The following FSTL5 variants were observed in gnomAD, a reference collection of about 807,000 sequenced individuals.
FSTL5 encodes the protein follistatin like 5, also known as follistatin-related protein 5.
In FSTL5, 62 loss-of-function variants were observed where a neutral mutation model predicts 89.1. The observed-to-expected ratio is 0.70, with a 90% CI of 0.57 to 0.86. The LOEUF (loss-of-function observed/expected upper bound fraction) is 0.86. Ranked by LOEUF, FSTL5 falls within the 40% of genes least tolerant of loss-of-function variation. The pLI, the probability that FSTL5 is intolerant of heterozygous loss-of-function variation, is 0.00. For missense variants in FSTL5, 1,057 were observed against 1,001.6 expected (o/e 1.06, Z -0.75); for synonymous variants, 383 against 346.2 (o/e 1.11, Z -1.18).
chr4:161,905,409 G>A (rs2110809202), intron 4 of FSTL5, among the ~76,000 whole-genome samples: 1 of 152,180 alleles, frequency 6.6e-6, no homozygotes, highest in Admixed American at 6.6e-5. Flanking sequence ...TTTCAAGGAA[G>A]AGTTCCTTGA....
intron 7 of FSTL5, among the ~76,000 whole-genome samples, chr4:161,654,351 A>G (rs1194852039): frequency 3.3e-5 from 5 of 152,180 alleles, no homozygotes; most frequent in African/African-American, 9.6e-5. Context: ...GGAAAGCTTA[A>G]GAGTATGGAT....
intron 15 of FSTL5, among the ~76,000 whole-genome samples, chr4:161,391,027 T>G (rs1017721555): frequency 2.0e-5 from 3 of 152,160 alleles, no homozygotes; most frequent in Non-Finnish European, 4.4e-5. Context: ...TTGTTGCAAA[T>G]GAAAAGTAGT....
At chr4:161,480,829 A>T (rs1729478044) in intron 13 of FSTL5, among the ~76,000 whole-genome samples, 191 bp downstream of exon 13, 1 of 150,486 alleles carries the variant, frequency 6.6e-6, no homozygotes, top group Admixed American at 6.7e-5. Flanking sequence ...AAAAAAATTA[A>T]ATTATCTCCT....
At chr4:161,603,281 C>A (rs2126627430) in intron 7 of FSTL5, among the ~76,000 whole-genome samples, 1 of 152,232 alleles carries the variant, frequency 6.6e-6, no homozygotes, top group Admixed American at 6.5e-5. Context: ...TTTCCCAGTG[C>A]ATATAAAAAG....
chr4:161,649,779 A>G (rs1736273938), intron 7 of FSTL5, among the ~76,000 whole-genome samples: 1 of 152,178 alleles, frequency 6.6e-6, no homozygotes, highest in African/African-American at 2.4e-5. Flanking sequence ...CATGCCAGAG[A>G]TCTATAAATG....
At position 161,400,319 on chromosome 4, in the gene FSTL5, T is replaced by C. The variant is rs562144622; in HGVS notation, c.1842-13870A>G. Among the ~76,000 whole-genome samples, 233 of 152,174 alleles carry C rather than the reference T, an allele frequency of 1.5e-3. 1 individual carries two copies. The highest frequency in any genetic ancestry group is 5.3e-3 in the African/African-American group (221 of 41,562). On this transcript the variant is annotated intron_variant, in intron 15 of 15. Transcript: ENST00000306100. Reference sequence around the variant, plus strand: ...ATAGGTACATAAATAGTTGAGTAGATAGAAATATAAAAATATATATGAGCT... The same window carrying C: ...ATAGGTACATAAATAGTTGAGTAGACAGAAATATAAAAATATATATGAGCT...
intron 15 of FSTL5, among the ~76,000 whole-genome samples, chr4:161,443,792 G>A (rs1358179534): frequency 6.6e-6 from 1 of 151,790 alleles, no homozygotes; most frequent in Non-Finnish European, 1.5e-5. Flanking sequence ...ATTGGAAAGG[G>A]CACTGTAGAC....
In FSTL5 at chr4:161,931,619, T is replaced by C. The variant is rs184398355; in HGVS notation, c.161-10967A>G. Among the ~76,000 whole-genome samples the C allele has an allele frequency of 5.4e-3, 819 of 152,054 alleles. 12 individuals carry two copies. The highest frequency in any genetic ancestry group is 0.019 in the African/African-American group (784 of 41,522). ...TATTTAATTTAACAATATACCAATA[T>C]GAAAATTTTATTTTCACATTTTCAA... is the stretch of plus-strand genomic sequence containing the variant. On this transcript the variant is annotated intron_variant, in intron 3 of 15. Transcript: ENST00000306100.
chr4:161,694,182 G>A (rs1485484478), intron 6 of FSTL5, among the ~76,000 whole-genome samples: 2 of 152,066 alleles, frequency 1.3e-5, no homozygotes, highest in East Asian at 3.9e-4. Flanking sequence ...AAGGTGTAAA[G>A]TTAAGTAATT....
chr4:161,955,412 GT>G (rs1253950916), intron 3 of FSTL5, among the ~76,000 whole-genome samples: 1 of 151,308 alleles, frequency 6.6e-6, no homozygotes, highest in African/African-American at 2.4e-5. Context: ...AAAAAAAAAT[GT>G]TTTAAGTAAA....
intron 1 of FSTL5, among the ~76,000 whole-genome samples, chr4:162,114,670 T>G (rs935489692): frequency 8.5e-5 from 13 of 152,196 alleles, no homozygotes; most frequent in African/African-American, 2.9e-4. Context: ...TTCTGTTAGA[T>G]CCCATGCATT....
At chr4:161,463,617 C>T (rs1009863174) in intron 13 of FSTL5, among the ~76,000 whole-genome samples, 3 of 152,108 alleles carry the variant, frequency 2.0e-5, no homozygotes, top group African/African-American at 4.8e-5. Context: ...AATACCTGCT[C>T]GTATGCTCTT....
rs373814670 is a variant in FSTL5 at position 161,670,878 on chromosome 4, T to C, written c.728-14384A>G. On this transcript the variant is annotated intron_variant, in intron 6 of 15. Coordinates refer to ENST00000306100, the MANE Select transcript of FSTL5 (RefSeq NM_020116.5). ...AACTCAGCTAATCAAAATCACAGGATACCTTTGTTTATTCTGGAATATCAA... is the reference window on the plus strand; with the variant it reads ...AACTCAGCTAATCAAAATCACAGGACACCTTTGTTTATTCTGGAATATCAA... Among the ~76,000 whole-genome samples, 44 of 152,340 alleles carry C rather than the reference T, an allele frequency of 2.9e-4. No homozygotes were observed. The East Asian group carries it at 7.1e-3, about 25-fold the overall frequency.
chr4:161,646,536 GA>G (rs1484183434), intron 7 of FSTL5, among the ~76,000 whole-genome samples: 1 of 151,920 alleles, frequency 6.6e-6, no homozygotes, highest in African/African-American at 2.4e-5. Flanking sequence ...GACATATTAT[GA>G]AAATTGCATT....
At chr4:161,883,229 T>C (rs759972282) in intron 4 of FSTL5, among the ~76,000 whole-genome samples, 10 of 152,198 alleles carry the variant, frequency 6.6e-5, no homozygotes, top group Admixed American at 1.3e-4. Context: ...CCATAAACTC[T>C]TCAGCTCCTG....
chr4:162,093,523 A>G (rs942902654), intron 2 of FSTL5, among the ~76,000 whole-genome samples: 1 of 152,188 alleles, frequency 6.6e-6, no homozygotes, highest in African/African-American at 2.4e-5. Context: ...GGGATTAAGG[A>G]GAGATAAAAG....
intron 6 of FSTL5, among the ~76,000 whole-genome samples, chr4:161,726,695 T>C (rs75995039): frequency 0.015 from 2,224 of 152,242 alleles, 52 homozygotes; most frequent in African/African-American, 0.05. Flanking sequence ...AAACGTATAG[T>C]AATCCCTTTC....
intron 8 of FSTL5, among the ~76,000 whole-genome samples, chr4:161,584,262 C>T (rs552849496): frequency 5.3e-5 from 8 of 152,274 alleles, no homozygotes; most frequent in East Asian, 3.9e-4. Context: ...AGAAACTTTA[C>T]GTAATGCAAA....
At chr4:161,761,700 G>A (rs1312029944) in intron 5 of FSTL5, among the ~76,000 whole-genome samples, 1 of 152,196 alleles carries the variant, frequency 6.6e-6, no homozygotes, top group African/African-American at 2.4e-5. Flanking sequence ...TGGTCATGAT[G>A]ATACAACTTA....
Sources: gnomAD v4.1 joint callset for allele counts (sites outside exome capture counted in the v4.1 genomes callset) on GRCh38, gnomAD v4.1.1 for gene constraint, MANE v1.5 for transcripts, NCBI Gene and HGNC (gene_info 2026-07-23, HGNC 2026-07-21) for gene names.